Variants in EDIL3 observed in about 807,000 individuals in gnomAD.
EDIL3 encodes EGF like and discoidin domains 3.
A neutral mutation model predicts 67.4 loss-of-function variants in EDIL3; 37 were observed. The ratio of observed to expected loss-of-function variants is 0.55; its 90% CI spans 0.42 to 0.72. The LOEUF (loss-of-function observed/expected upper bound fraction) is 0.72, where lower values mean the gene tolerates loss of function less well. Ranked by LOEUF, EDIL3 falls within the 30% of genes least tolerant of loss-of-function variation. The pLI, the probability that EDIL3 is intolerant of heterozygous loss-of-function variation, is 0.00. For missense variants in EDIL3, 527 were observed against 586.3 expected (o/e 0.90, Z 1.04); for synonymous variants, 195 against 196.3 (o/e 0.99, Z 0.05).
At chr5:84,107,666 AATG>A (rs1241149087) in intron 5 of EDIL3, among the ~76,000 whole-genome samples, 1 of 151,134 alleles carries the variant, frequency 6.6e-6, no homozygotes, top group African/African-American at 2.4e-5. Context: ...ATTATGCTCA[AATG>A]ATATGTTCTC....
chr5:84,356,679 G>T (rs997454092), intron 1 of EDIL3, among the ~76,000 whole-genome samples: 1 of 152,102 alleles, frequency 6.6e-6, no homozygotes, highest in African/African-American at 2.4e-5. Context: ...GGAAGAACAG[G>T]TTCGGGGAAG....
intron 9 of EDIL3, among the ~76,000 whole-genome samples, chr5:84,000,040 T>C (rs1187872044): frequency 6.6e-6 from 1 of 152,012 alleles, no homozygotes; most frequent in African/African-American, 2.4e-5. Flanking sequence ...TAGAATATTA[T>C]ATTCAGCAAG....
At chr5:84,285,920 A>G (rs1422922872) in intron 1 of EDIL3, among the ~76,000 whole-genome samples, 5 of 152,236 alleles carry the variant, frequency 3.3e-5, no homozygotes, top group African/African-American at 4.8e-5. Flanking sequence ...GGAAACACGC[A>G]GAGCACAGAA....
intron 5 of EDIL3, among the ~76,000 whole-genome samples, chr5:84,127,636 T>G (rs141758044): frequency 2.0e-4 from 30 of 152,234 alleles, no homozygotes; most frequent in African/African-American, 7.2e-4. Flanking sequence ...TTCTTAGGCC[T>G]GCATTTTCTT....
intron 6 of EDIL3, among the ~76,000 whole-genome samples, chr5:84,088,737 C>A (rs1413344781): frequency 6.6e-6 from 1 of 151,994 alleles, no homozygotes; most frequent in Non-Finnish European, 1.5e-5. Flanking sequence ...AAAAGGAGAG[C>A]TTGATTATTT....
At chr5:84,339,929 T>A (rs1201777188) in intron 1 of EDIL3, among the ~76,000 whole-genome samples, 1 of 152,062 alleles carries the variant, frequency 6.6e-6, no homozygotes, top group Non-Finnish European at 1.5e-5. Context: ...ATAATCACAA[T>A]ATCTGTAAGT....
chr5:84,011,966 C>T (rs1745524391), intron 9 of EDIL3, among the ~76,000 whole-genome samples: 1 of 152,130 alleles, frequency 6.6e-6, no homozygotes. Flanking sequence ...TGACTGGCAC[C>T]TTCTCCACTA....
chr5:84,214,539 T>C (rs1250988925), intron 3 of EDIL3, among the ~76,000 whole-genome samples: 1 of 152,192 alleles, frequency 6.6e-6, no homozygotes, highest in Non-Finnish European at 1.5e-5. Context: ...CAATATCTGG[T>C]TGCTTGAATA....
In EDIL3 at chr5:83,943,218, G is replaced by T; in HGVS notation, c.*201C>A. ...GTGTTGTTACTTAAGAGATTTGACG[G>T]ATAAAATAAAATCAAATTAAATCAT... On this transcript the variant is annotated 3_prime_UTR_variant, in exon 11 of 11. Coordinates refer to ENST00000296591, the MANE Select transcript of EDIL3 (RefSeq NM_005711.5). 1 of 592,690 alleles carries T rather than the reference G, an allele frequency of 1.7e-6. No homozygotes were observed. Among genetic ancestry groups the T allele is most frequent in the South Asian group, 2.2e-5 (1 of 45,950 alleles). The allele number at this position is 592,690 out of a possible 1,614,324, so 36.7% of individuals were successfully genotyped here. A position where few individuals can be genotyped will look rare whatever the true frequency, so the allele number is the denominator to read the frequency against.
At chr5:84,301,830 A>G (rs1311445024) in intron 1 of EDIL3, among the ~76,000 whole-genome samples, 1 of 152,202 alleles carries the variant, frequency 6.6e-6, no homozygotes, top group African/African-American at 2.4e-5. Context: ...GGAAGATGAA[A>G]AAGAAACAGG....
rs1246865588 is a variant in EDIL3 at position 84,060,322 on chromosome 5, T to C, written c.1115A>G (p.Asn372Ser). ...TACCTGTAACCATTGTGACTGGTCA[T>C]TGTGGCCAGAGGTCCAGGCATTCAC... is the stretch of plus-strand genomic sequence containing the variant. ...GKVNAWTSGH[N>S]DQSQWLQVDL... Residue 372 changes from asparagine (N) to serine (S), a missense_variant, in exon 9 of 11, where the codon AAT becomes AGT. Physicochemically the swap from Asn to Ser is conservative, Grantham distance 46. This residue lies in a region of EDIL3 where 494 missense variants were observed against 522.5 expected (regional missense o/e 0.95). Coordinates refer to ENST00000296591, the MANE Select transcript of EDIL3 (RefSeq NM_005711.5). 3.1e-6 allele frequency: 5 copies of C among 1,613,612 alleles called. No individual in the cohort carries two copies. Among genetic ancestry groups the C allele is most frequent in the East Asian group, 4.5e-5 (2 of 44,884 alleles).
At chr5:84,331,371 C>A (rs1354085160) in intron 1 of EDIL3, among the ~76,000 whole-genome samples, 1 of 152,094 alleles carries the variant, frequency 6.6e-6, no homozygotes, top group African/African-American at 2.4e-5. Flanking sequence ...ACTGTAGTTC[C>A]CATAATCCCC....
intron 6 of EDIL3, among the ~76,000 whole-genome samples, chr5:84,089,510 A>T (rs1561427808): frequency 6.6e-6 from 1 of 152,152 alleles, no homozygotes; most frequent in Non-Finnish European, 1.5e-5. Flanking sequence ...ATCCTTGCTC[A>T]TAGGTTCCCC....
At chr5:84,124,900 T>TAAAAC (rs1747839149) in intron 5 of EDIL3, among the ~76,000 whole-genome samples, 1 of 152,016 alleles carries the variant, frequency 6.6e-6, no homozygotes. Flanking sequence ...ACTAAATGAA[T>TAAAAC]TGTTTTCCTT....
At chr5:84,149,813 A>G (rs912567569) in intron 4 of EDIL3, among the ~76,000 whole-genome samples, 1 of 152,126 alleles carries the variant, frequency 6.6e-6, no homozygotes, top group African/African-American at 2.4e-5. Flanking sequence ...ACAATGTGTG[A>G]GATGAAAAAT....
chr5:84,074,815 G>C (rs1276791718), intron 6 of EDIL3, among the ~76,000 whole-genome samples: 1 of 152,106 alleles, frequency 6.6e-6, no homozygotes, highest in South Asian at 2.1e-4. Context: ...TCTAGAACTA[G>C]AAATACCATT....
intron 9 of EDIL3, among the ~76,000 whole-genome samples, chr5:83,981,199 T>G (rs1435282653): frequency 6.6e-6 from 1 of 151,936 alleles, no homozygotes; most frequent in Non-Finnish European, 1.5e-5. Flanking sequence ...TCAAGAAAAC[T>G]CCACAAAGTT....
intron 3 of EDIL3, among the ~76,000 whole-genome samples, chr5:84,209,018 A>T (rs193282322): frequency 0.01 from 1,586 of 152,316 alleles, 33 homozygotes; most frequent in African/African-American, 0.036. Flanking sequence ...AATGTGGCAC[A>T]TATACACCTT....
intron 1 of EDIL3, among the ~76,000 whole-genome samples, chr5:84,316,574 T>C (rs1046973215): frequency 6.6e-6 from 1 of 152,068 alleles, no homozygotes; most frequent in African/African-American, 2.4e-5. Context: ...CCTAAATATA[T>C]ATGCACCCCA....
Sources: allele counts gnomAD v4.1 joint callset (sites outside exome capture counted in the v4.1 genomes callset), GRCh38; gene constraint gnomAD v4.1.1; regional missense constraint gnomAD v4.1.1; transcripts MANE v1.5; gene names NCBI Gene and HGNC (gene_info 2026-07-23, HGNC 2026-07-21).